The following PGP variants were observed in gnomAD, a reference collection of about 807,000 sequenced individuals.
PGP encodes phosphoglycolate phosphatase, also known as aspartate-based ubiquitous Mg(2+)-dependent phosphatase.
A neutral mutation model predicts 19.3 loss-of-function variants in PGP; 9 were observed. The ratio of observed to expected loss-of-function variants is 0.47; its 90% CI spans 0.28 to 0.81. The LOEUF is 0.81. Among genes scored for constraint, PGP ranks in the 40% least tolerant of loss-of-function variants. PGP has a pLI of 0.11. For synonymous variants in PGP, 308 were observed against 226.8 expected (o/e 1.36, Z -3.22); for missense variants, 403 against 479.9 (o/e 0.84, Z 1.50).
At position 2,211,970 on chromosome 16, in the gene PGP, G is replaced by A. The variant is rs1265668177; in HGVS notation, c.*1758C>T. On this transcript the variant is annotated 3_prime_UTR_variant, in exon 2 of 2. Coordinates refer to ENST00000333503, the MANE Select transcript of PGP (RefSeq NM_001042371.3). The stretch of plus-strand genomic sequence containing the variant: ...ACGGCATCACCCGGGCCAATGCAAG[G>A]TGAGAGCAAGGACACCTGAGCCAGT... 2.0e-6 allele frequency: 2 copies of A among 985,440 alleles called. No homozygotes were observed. Among genetic ancestry groups the A allele is most frequent in the African/African-American group, 1.7e-5 (1 of 57,254 alleles). 61.0% of individuals were successfully genotyped at this position (985,440 alleles called of 1,614,324 possible).
chr16:2,212,656 TC>T lies in PGP; in HGVS notation c.*1071del. Reference sequence around the variant, plus strand: ...GAGACTGGATGCTTTGTAAAGGACTTCCTGTTCTTGGGGACATAACTCTCGT... The same window carrying T: ...GAGACTGGATGCTTTGTAAAGGACTTCTGTTCTTGGGGACATAACTCTCGT... On this transcript the variant is annotated 3_prime_UTR_variant, in exon 2 of 2. Transcript: ENST00000333503. 1 of 985,362 alleles carries T rather than the reference TC, an allele frequency of 1.0e-6. No homozygotes were observed. Among genetic ancestry groups the T allele is most frequent in the Non-Finnish European group, 1.2e-6 (1 of 829,946 alleles). The allele number at this position is 985,362 out of a possible 1,614,324, so 61.0% of individuals were successfully genotyped here. A position where few individuals can be genotyped will look rare whatever the true frequency, so the allele number is the denominator to read the frequency against.
rs757510928 is a variant in PGP at position 2,213,981 on chromosome 16, C to T, written c.713G>A (p.Arg238His). The change falls in exon 2 of 2, where the codon CGC (arginine) becomes CAC (histidine). Residue 238 changes from arginine to histidine, a missense_variant. Arg to His is a conservative substitution (Grantham distance 29). Coordinates refer to ENST00000333503, the MANE Select transcript of PGP (RefSeq NM_001042371.3). ...RQADIIGKPS[R>H]FIFDCVSQEY... is the part of the protein sequence containing the mutation. ...CTGGGACACGCAGTCGAAAATGAAGCGGCTGGGCTTCCCGATGATGTCGGC... is the reference window on the plus strand; with the variant it reads ...CTGGGACACGCAGTCGAAAATGAAGTGGCTGGGCTTCCCGATGATGTCGGC... The T allele has an allele frequency of 3.7e-6, 6 of 1,609,308 alleles. No individual in the cohort carries two copies. The highest frequency in any genetic ancestry group is 5.1e-6 in the Non-Finnish European group (6 of 1,177,190).
Position 2,213,405 on chromosome 16 carries a change from C to A in PGP, c.*323G>T. On this transcript the variant is annotated 3_prime_UTR_variant, in exon 2 of 2. Coordinates refer to ENST00000333503, the MANE Select transcript of PGP (RefSeq NM_001042371.3). Reference sequence around the variant, plus strand: ...AAAATACAGGACACACACCCCTAGACCCGCCTCAGTCCCATCGGCAGGCCC... The same window carrying A: ...AAAATACAGGACACACACCCCTAGAACCGCCTCAGTCCCATCGGCAGGCCC... 1 of 1,006,542 alleles carries A rather than the reference C, an allele frequency of 9.9e-7. No individual in the cohort carries two copies. Among genetic ancestry groups the A allele is most frequent in the Non-Finnish European group, 1.2e-6 (1 of 827,778 alleles). 62.4% of individuals were successfully genotyped at this position (1,006,542 alleles called of 1,614,324 possible).
In PGP at chr16:2,213,701, A is replaced by T. The variant is rs542673691; in HGVS notation, c.*27T>A. The T allele has an allele frequency of 6.8e-7, 1 of 1,480,894 alleles. No individual in the cohort carries two copies. Among genetic ancestry groups the T allele is most frequent in the African/African-American group, 1.4e-5 (1 of 70,140 alleles). The allele number at this position is 1,480,894 out of a possible 1,614,324, so 91.7% of individuals were successfully genotyped here. On this transcript the variant is annotated 3_prime_UTR_variant, in exon 2 of 2. Coordinates refer to ENST00000333503, the MANE Select transcript of PGP (RefSeq NM_001042371.3). ...ACTGGTTTTCAATTTCTTTTTTTTT[A>T]TTCTGCAGATTAAAGACACTCAATC... is the stretch of plus-strand genomic sequence containing the variant.
Position 2,214,216 on chromosome 16 carries a change from G to C in PGP, c.562C>G (p.Leu188Val). ...YMKLTKALRY[L>V]QQPGCLLVGT... ...ACGAGCAGGCAGCCGGGCTGCTGCA[G>C]GTAGCGCAGGGCCTTGGTGAGCTTC... is the stretch of plus-strand genomic sequence containing the variant. Residue 188 changes from leucine (L) to valine (V), a missense_variant, in exon 1 of 2, where the codon CTG becomes GTG. Coordinates refer to ENST00000333503, the MANE Select transcript of PGP (RefSeq NM_001042371.3). This position sits in a 1 kb window ranked among gnomAD's most constrained non-coding sequence, Gnocchi z 7.1. The C allele has an allele frequency of 1.3e-6, 2 of 1,595,572 alleles. No homozygotes were observed. The highest frequency in any genetic ancestry group is 1.1e-5 in the South Asian group (1 of 90,514).
Position 2,212,096 on chromosome 16 carries a change from A to G in PGP, c.*1632T>C. On this transcript the variant is annotated 3_prime_UTR_variant, in exon 2 of 2. Coordinates refer to ENST00000333503, the MANE Select transcript of PGP (RefSeq NM_001042371.3). ...GGGGACTCCCAGCCCCTACCCGGCA[A>G]GAGAGGCATCACTGAGGCTGCATCT... 1 of 985,560 alleles carries G rather than the reference A, an allele frequency of 1.0e-6. No individual in the cohort carries two copies. Among genetic ancestry groups the G allele is most frequent in the Non-Finnish European group, 1.2e-6 (1 of 829,936 alleles). 61.1% of individuals were successfully genotyped at this position (985,560 alleles called of 1,614,324 possible). A position where few individuals can be genotyped will look rare whatever the true frequency, so the allele number is the denominator to read the frequency against.
At position 2,212,672 on chromosome 16, in the gene PGP, A is replaced by G. The variant is rs2093378382; in HGVS notation, c.*1056T>C. On this transcript the variant is annotated 3_prime_UTR_variant, in exon 2 of 2. Transcript: ENST00000333503. ...TAAAGGACTTCCTGTTCTTGGGGAC[A>G]TAACTCTCGTCCCCTCCCAGAGCCC... is the stretch of plus-strand genomic sequence containing the variant. 5.1e-6 allele frequency: 5 copies of G among 985,514 alleles called. No individual in the cohort carries two copies. The highest frequency in any genetic ancestry group is 4.7e-5 in the South Asian group (1 of 21,294). The allele number at this position is 985,514 out of a possible 1,614,324, so 61.0% of individuals were successfully genotyped here.
rs1052087548 is a variant in PGP, at chr16:2,212,140, G to C, written c.*1588C>G. On this transcript the variant is annotated 3_prime_UTR_variant, in exon 2 of 2. Transcript: ENST00000333503. The stretch of plus-strand genomic sequence containing the variant: ...TGCATCTGCCATGCGCTCCTGGTGT[G>C]ACTGCACCCTGTCAGGCCAGACCCG... 6 of 985,668 alleles carry C rather than the reference G, an allele frequency of 6.1e-6. No homozygotes were observed. The highest frequency in any genetic ancestry group is 6.0e-6 in the Non-Finnish European group (5 of 829,956). The allele number at this position is 985,668 out of a possible 1,614,324, so 61.1% of individuals were successfully genotyped here.
chr16:2,213,802 C>T lies in PGP; in HGVS notation c.892G>A (p.Val298Met), dbSNP rs1596739466. The stretch of plus-strand genomic sequence containing the variant: ...TCAGGGACCATTTTCTTCTTAGACA[C>T]GCAGTCACTTTCCTGATTATTCTTC... ...DVKNNQESDC[V>M]SKKKMVPDFY... Residue 298 changes from valine (V) to methionine (M), a missense_variant, in exon 2 of 2, where the codon GTG becomes ATG. Val to Met is a conservative substitution (Grantham distance 21, BLOSUM62 1). Transcript: ENST00000333503. 1 of 1,602,496 alleles carries T rather than the reference C, an allele frequency of 6.2e-7. No homozygotes were observed. The highest frequency in any genetic ancestry group is 8.5e-7 in the Non-Finnish European group (1 of 1,171,202).
Position 2,213,130 on chromosome 16 carries a change from G to C in PGP, c.*598C>G. The stretch of plus-strand genomic sequence containing the variant: ...GACACTCAGTTGTGACATCAGAGTG[G>C]TTTTCAAGGAAGTAAGGGAGGTGGG... On this transcript the variant is annotated 3_prime_UTR_variant, in exon 2 of 2. Transcript: ENST00000333503. The C allele has an allele frequency of 1.0e-6, 1 of 985,532 alleles. No homozygotes were observed. The highest frequency in any genetic ancestry group is 1.2e-6 in the Non-Finnish European group (1 of 829,944). The allele number at this position is 985,532 out of a possible 1,614,324, so 61.0% of individuals were successfully genotyped here.
chr16:2,212,255 C>T lies in PGP; in HGVS notation c.*1473G>A, dbSNP rs927631399. ...GCTGCTCTGCAGCACCCTCTGAACC[C>T]GATATCCCAGGCCTGGGAGGTGCTG... On this transcript the variant is annotated 3_prime_UTR_variant, in exon 2 of 2. Coordinates refer to ENST00000333503, the MANE Select transcript of PGP (RefSeq NM_001042371.3). 8.1e-6 allele frequency: 8 copies of T among 985,780 alleles called. No individual in the cohort carries two copies. The Admixed American group carries it at 1.8e-4, about 23-fold the overall frequency. The allele number at this position is 985,780 out of a possible 1,614,324, so 61.1% of individuals were successfully genotyped here.
chr16:2,212,585 C>A lies in PGP; in HGVS notation c.*1143G>T. ...GCAAGGCAGGTGACCTCCTGGGCCA[C>A]CAGTCTCTAACCCCTACCCCAGCCT... is the stretch of plus-strand genomic sequence containing the variant. On this transcript the variant is annotated 3_prime_UTR_variant, in exon 2 of 2. Transcript: ENST00000333503. The A allele has an allele frequency of 7.1e-6, 7 of 985,482 alleles. No homozygotes were observed. In the South Asian group the frequency reaches 2.3e-4, roughly 33 times the overall value. 61.0% of individuals were successfully genotyped at this position (985,482 alleles called of 1,614,324 possible).
In PGP at chr16:2,212,812, C is replaced by T; in HGVS notation, c.*916G>A. 4 of 985,542 alleles carry T rather than the reference C, an allele frequency of 4.1e-6. No homozygotes were observed. Among genetic ancestry groups the T allele is most frequent in the Non-Finnish European group, 4.8e-6 (4 of 829,960 alleles). 61.0% of individuals were successfully genotyped at this position (985,542 alleles called of 1,614,324 possible). ...ACACATGCTTCAGCCGCGCTGCCGG[C>T]TGCAGGGCACAGAGGCTCCTTCAGT... On this transcript the variant is annotated 3_prime_UTR_variant, in exon 2 of 2. Transcript: ENST00000333503.
At position 2,214,105 on chromosome 16, in the gene PGP, G is replaced by GC; in HGVS notation, c.640+32dup. The stretch of plus-strand genomic sequence containing the variant: ...AGGGCAGGGAGGGGGCCCGCCGCCC[G>GC]CCCCCCAGCCTCCCGCCCCAGGGCG... On this transcript the variant is annotated intron_variant, in intron 1 of 1. Transcript: ENST00000333503. The surrounding 1 kb of genome is among the most constrained non-coding windows in gnomAD (Gnocchi z 7.1). 4 of 221,498 alleles carry GC rather than the reference G, an allele frequency of 1.8e-5. No homozygotes were observed. The highest frequency in any genetic ancestry group is 1.7e-3 in the Middle Eastern group (1 of 582). The allele number at this position is 221,498 out of a possible 1,614,324, so 13.7% of individuals were successfully genotyped here.
chr16:2,212,643 T>C lies in PGP; in HGVS notation c.*1085A>G. The stretch of plus-strand genomic sequence containing the variant: ...GGGAGGACAGGAAGAGACTGGATGC[T>C]TTGTAAAGGACTTCCTGTTCTTGGG... On this transcript the variant is annotated 3_prime_UTR_variant, in exon 2 of 2. Coordinates refer to ENST00000333503, the MANE Select transcript of PGP (RefSeq NM_001042371.3). The C allele has an allele frequency of 1.0e-6, 1 of 985,518 alleles. No homozygotes were observed. Among genetic ancestry groups the C allele is most frequent in the Non-Finnish European group, 1.2e-6 (1 of 829,956 alleles). 61.0% of individuals were successfully genotyped at this position (985,518 alleles called of 1,614,324 possible).
chr16:2,214,839 T>A lies in PGP; in HGVS notation c.-62A>T. The A allele has an allele frequency of 1.8e-6, 1 of 545,314 alleles. No individual in the cohort carries two copies. Among genetic ancestry groups the A allele is most frequent in the Non-Finnish European group, 2.3e-6 (1 of 429,484 alleles). The allele number at this position is 545,314 out of a possible 1,614,324, so 33.8% of individuals were successfully genotyped here. ...CTCGCAGCCGCCCGCCGCGGCGCCCTCCCCGCCCCCGGGGCGCTCATTGGC... is the reference window on the plus strand; with the variant it reads ...CTCGCAGCCGCCCGCCGCGGCGCCCACCCCGCCCCCGGGGCGCTCATTGGC... On this transcript the variant is annotated 5_prime_UTR_variant, in exon 1 of 2. Coordinates refer to ENST00000333503, the MANE Select transcript of PGP (RefSeq NM_001042371.3). The surrounding 1 kb of genome is among the most constrained non-coding windows in gnomAD (Gnocchi z 7.1).
Position 2,212,753 on chromosome 16 carries a change from G to A in PGP, c.*975C>T. The A allele has an allele frequency of 1.0e-6, 1 of 985,450 alleles. No homozygotes were observed. Among genetic ancestry groups the A allele is most frequent in the Non-Finnish European group, 1.2e-6 (1 of 829,908 alleles). The allele number at this position is 985,450 out of a possible 1,614,324, so 61.0% of individuals were successfully genotyped here. On this transcript the variant is annotated 3_prime_UTR_variant, in exon 2 of 2. Transcript: ENST00000333503. Reference sequence around the variant, plus strand: ...ACATGCTTGAGCCGCGCTGCTGGCTGCAGGGCACCTGGATGACAGGCATTC... The same window carrying A: ...ACATGCTTGAGCCGCGCTGCTGGCTACAGGGCACCTGGATGACAGGCATTC...
At position 2,212,022 on chromosome 16, in the gene PGP, CT is replaced by C; in HGVS notation, c.*1705del. Reference sequence around the variant, plus strand: ...TGGGTTTGAGAGTTTAATCTGTGCTCTGGCGCCCACAGTGCTGCAGCCCCTC... The same window carrying C: ...TGGGTTTGAGAGTTTAATCTGTGCTCGGCGCCCACAGTGCTGCAGCCCCTC... On this transcript the variant is annotated 3_prime_UTR_variant, in exon 2 of 2. Transcript: ENST00000333503. The C allele has an allele frequency of 1.0e-6, 1 of 985,528 alleles. No homozygotes were observed. Among genetic ancestry groups the C allele is most frequent in the Non-Finnish European group, 1.2e-6 (1 of 829,962 alleles). The allele number at this position is 985,528 out of a possible 1,614,324, so 61.0% of individuals were successfully genotyped here.
Position 2,212,370 on chromosome 16 carries a change from A to G in PGP, c.*1358T>C. The G allele has an allele frequency of 1.0e-6, 1 of 986,116 alleles. No homozygotes were observed. Among genetic ancestry groups the G allele is most frequent in the Non-Finnish European group, 1.2e-6 (1 of 830,270 alleles). 61.1% of individuals were successfully genotyped at this position (986,116 alleles called of 1,614,324 possible). A position where few individuals can be genotyped will look rare whatever the true frequency, so the allele number is the denominator to read the frequency against. On this transcript the variant is annotated 3_prime_UTR_variant, in exon 2 of 2. Coordinates refer to ENST00000333503, the MANE Select transcript of PGP (RefSeq NM_001042371.3). ...GGCCAAGAGAGAAGCTGCCAGGTAC[A>G]GGGAAAGGCGCTGGTAGGGAGCCAG...
Sources: allele counts gnomAD v4.1 joint callset, GRCh38; gene constraint gnomAD v4.1.1; non-coding constraint Gnocchi (gnomAD v3.1); transcripts MANE v1.5; gene names NCBI Gene and HGNC (gene_info 2026-07-23, HGNC 2026-07-21).